ADGRL2: variants seen among roughly 807,000 people sequenced by gnomAD.
ADGRL2 encodes adhesion G protein-coupled receptor L2.
In ADGRL2, 44 loss-of-function variants were observed where a neutral mutation model predicts 157.4. The observed-to-expected ratio is 0.28, with a 90% CI of 0.22 to 0.36. ADGRL2 has a LOEUF of 0.36. Ranked by LOEUF, ADGRL2 falls within the 10% of genes least tolerant of loss-of-function variation. The pLI, the probability that ADGRL2 is intolerant of heterozygous loss-of-function variation, is 1.00. For synonymous variants in ADGRL2, 585 were observed against 624.7 expected (o/e 0.94, Z 0.95); for missense variants, 1,510 against 1,768.9 (o/e 0.85, Z 2.63).
chr1:81,962,345 T>C (rs567899084), intron 11 of ADGRL2, among the ~76,000 whole-genome samples: 2 of 152,270 alleles, frequency 1.3e-5, no homozygotes, highest in Non-Finnish European at 2.9e-5. Flanking sequence ...TGTTTACAAC[T>C]TTCTCCTGTT....
intron 2 of ADGRL2, among the ~76,000 whole-genome samples, chr1:81,838,754 A>G (rs1380089258): frequency 6.6e-6 from 1 of 152,104 alleles, no homozygotes; most frequent in African/African-American, 2.4e-5. Context: ...GTGGGGGGCT[A>G]GCAAACAGAG....
intron 21 of ADGRL2, 69 bp downstream of exon 21, chr1:81,985,424 A>G (rs1662869738): frequency 1.3e-6 from 1 of 769,402 alleles, no homozygotes; most frequent in Non-Finnish European, 2.2e-6. Flanking sequence ...TTATTCAATA[A>G]TGTAATGTAA....
intron 3 of ADGRL2, among the ~76,000 whole-genome samples, chr1:81,916,285 G>A (rs1442251779): frequency 1.3e-5 from 2 of 151,896 alleles, no homozygotes; most frequent in Non-Finnish European, 2.9e-5. Flanking sequence ...TTTCTTTTCA[G>A]TATGGATCTG....
At chr1:81,890,552 A>C (rs1280712667) in intron 2 of ADGRL2, among the ~76,000 whole-genome samples, 1 of 152,138 alleles carries the variant, frequency 6.6e-6, no homozygotes, top group African/African-American at 2.4e-5. Context: ...TGGAACAAAC[A>C]GCAAGAAGGT....
rs1570598106 is a variant in ADGRL2 at position 81,596,465 on chromosome 1, C to A, written c.-143+15485C>A. The A allele has an allele frequency of 1.5e-5, 7 of 457,582 alleles. No individual in the cohort carries two copies. In the East Asian group the frequency reaches 3.2e-4, roughly 21 times the overall value. 28.3% of individuals were successfully genotyped at this position (457,582 alleles called of 1,614,324 possible). A position where few individuals can be genotyped will look rare whatever the true frequency, so the allele number is the denominator to read the frequency against. On this transcript the variant is annotated intron_variant, in intron 3 of 24. Transcript: ENST00000370721. ...TGATTCGAATTCAGTGAATTGTCAC[C>A]TCCGGCTCCAAGGGTGTTTTTCCTG...
At chr1:81,928,689 C>T (rs2095164112) in intron 3 of ADGRL2, among the ~76,000 whole-genome samples, 1 of 152,042 alleles carries the variant, frequency 6.6e-6, no homozygotes, top group African/African-American at 2.4e-5. Flanking sequence ...ATTCATATTG[C>T]AATAGTTCGT....
At chr1:81,697,421 A>C (rs907769305), upstream of ADGRL2, among the ~76,000 whole-genome samples, 1 of 152,174 alleles carries the variant, frequency 6.6e-6, no homozygotes, top group Non-Finnish European at 1.5e-5. Flanking sequence ...ATCTGAAGAG[A>C]GGTCTCTGAG....
intron 1 of ADGRL2, among the ~76,000 whole-genome samples, chr1:81,754,019 G>C (rs1437209728): frequency 1.3e-5 from 2 of 151,966 alleles, no homozygotes; most frequent in African/African-American, 4.8e-5. Flanking sequence ...AGGGGAGTGG[G>C]GTCCTTCATA....
intron 3 of ADGRL2, among the ~76,000 whole-genome samples, chr1:81,681,247 G>A (rs1040776943): frequency 1.1e-4 from 16 of 152,342 alleles, no homozygotes; most frequent in Non-Finnish European, 8.8e-5. Flanking sequence ...CTGCAGAAGG[G>A]ATGGAGGGCA....
chr1:81,980,722 A>G (rs1376544283), intron 18 of ADGRL2: 4 of 594,242 alleles, frequency 6.7e-6, no homozygotes, highest in Non-Finnish European at 1.3e-5. Context: ...GTTGCATGGT[A>G]AGAGAGAGAG....
intron 1 of ADGRL2, among the ~76,000 whole-genome samples, chr1:81,312,646 C>T (rs1659835810): frequency 6.6e-6 from 1 of 152,108 alleles, no homozygotes; most frequent in African/African-American, 2.4e-5. Flanking sequence ...AGCCTTTAGC[C>T]ATTGAGATGT....
intron 2 of ADGRL2, among the ~76,000 whole-genome samples, chr1:81,461,585 T>C (rs2077929288): frequency 6.6e-6 from 1 of 152,220 alleles, no homozygotes; most frequent in Non-Finnish European, 1.5e-5. Context: ...CAAAGGATCT[T>C]GTTTTATCTT....
chr1:81,552,605 G>GAAAAAAAAAAAAAAAAAA (rs35795177), intron 2 of ADGRL2, among the ~76,000 whole-genome samples: 2 of 103,994 alleles, frequency 1.9e-5, no homozygotes, highest in African/African-American at 3.8e-5. Flanking sequence ...ACTTTACTTA[G>GAAAAAAAAAAAAAAAAAA]AAAAAAAAAA....
intron 1 of ADGRL2, among the ~76,000 whole-genome samples, chr1:81,438,869 C>T (rs1444931596): frequency 6.6e-6 from 1 of 152,090 alleles, no homozygotes; most frequent in Non-Finnish European, 1.5e-5. Context: ...ATCATTGCCC[C>T]AGATTTCTTT....
intron 2 of ADGRL2, among the ~76,000 whole-genome samples, chr1:81,454,236 C>T (rs1490546274): frequency 6.6e-6 from 1 of 151,398 alleles, no homozygotes; most frequent in Non-Finnish European, 1.5e-5. Flanking sequence ...AGGCTTGTGA[C>T]TTAATCTTAT....
chr1:81,356,070 T>A (rs188273822), intron 1 of ADGRL2, among the ~76,000 whole-genome samples: 1 of 152,168 alleles, frequency 6.6e-6, no homozygotes, highest in African/African-American at 2.4e-5. Flanking sequence ...CCCTATCGGG[T>A]AATGATTTGC....
intron 2 of ADGRL2, among the ~76,000 whole-genome samples, chr1:81,886,481 T>A (rs925940352): frequency 2.0e-5 from 3 of 152,210 alleles, no homozygotes; most frequent in African/African-American, 7.2e-5. Context: ...GTACACCTTT[T>A]ATATTGCCCA....
intron 3 of ADGRL2, among the ~76,000 whole-genome samples, chr1:81,638,966 G>A (rs1331019686): frequency 1.3e-5 from 2 of 152,172 alleles, no homozygotes; most frequent in Non-Finnish European, 2.9e-5. Context: ...ATCACCCACT[G>A]CGCTTCAACT....
chr1:81,855,022 G>T (rs1254722890), intron 2 of ADGRL2, among the ~76,000 whole-genome samples: 1 of 152,254 alleles, frequency 6.6e-6, no homozygotes, highest in Admixed American at 6.5e-5. Context: ...GCTGGATGGG[G>T]TTGACTATTG....
Sources: allele counts gnomAD v4.1 joint callset (sites outside exome capture counted in the v4.1 genomes callset), GRCh38; gene constraint gnomAD v4.1.1; transcripts MANE v1.5; gene names NCBI Gene and HGNC (gene_info 2026-07-23, HGNC 2026-07-21).